The following PIK3C2G variants were observed in gnomAD, a reference collection of about 807,000 sequenced individuals.
PIK3C2G encodes phosphatidylinositol 3-kinase C2 domain-containing subunit gamma.
A neutral mutation model predicts 181.1 loss-of-function variants in PIK3C2G; 168 were observed. The observed-to-expected ratio is 0.93, with a 90% CI of 0.82 to 1.05. PIK3C2G has a LOEUF of 1.05. Ranked by LOEUF, PIK3C2G falls within the 50% of genes least tolerant of loss-of-function variation. The pLI is 0.00. For missense variants in PIK3C2G, 1,869 were observed against 1,732.8 expected (o/e 1.08, Z -1.40); for synonymous variants, 573 against 592.2 (o/e 0.97, Z 0.47).
chr12:18,669,172 A>G, the PIK3C2G span, among the ~76,000 whole-genome samples: 1 of 152,200 alleles, frequency 6.6e-6, no homozygotes. Flanking sequence ...GGGAAACTAA[A>G]GCACACACAC....
chr12:18,534,184 C>T (rs1004267578), intron 24 of PIK3C2G, among the ~76,000 whole-genome samples: 1 of 151,518 alleles, frequency 6.6e-6, no homozygotes, highest in African/African-American at 2.4e-5. Flanking sequence ...TCCTGGCCTC[C>T]GATAATCCAC....
At chr12:18,656,639 G>C in the PIK3C2G span, among the ~76,000 whole-genome samples, 79 of 152,262 alleles carry the variant, frequency 5.2e-4, no homozygotes, top group Middle Eastern at 0.01. Context: ...GGGAAGCTCA[G>C]GTGGAAGGAT....
the PIK3C2G span, among the ~76,000 whole-genome samples, chr12:18,681,860 T>C: frequency 4.1e-4 from 63 of 152,024 alleles, no homozygotes; most frequent in Non-Finnish European, 7.8e-4. Flanking sequence ...GCAGAATTAA[T>C]GAACTCTCTT....
intron 31 of PIK3C2G, among the ~76,000 whole-genome samples, chr12:18,639,706 GT>G (rs1396345048): frequency 1.3e-5 from 2 of 152,112 alleles, no homozygotes; most frequent in Non-Finnish European, 2.9e-5. Context: ...GTGGAAACAA[GT>G]TCTGAAGCCA....
intron 18 of PIK3C2G, among the ~76,000 whole-genome samples, chr12:18,436,000 A>G (rs1190897314): frequency 6.6e-6 from 1 of 151,506 alleles, no homozygotes; most frequent in African/African-American, 2.4e-5. Context: ...CAACTGGTTT[A>G]CAATTATATG....
intron 11 of PIK3C2G, among the ~76,000 whole-genome samples, chr12:18,355,596 G>T: frequency 6.6e-6 from 1 of 152,016 alleles, no homozygotes; most frequent in East Asian, 1.9e-4. Context: ...GACTACCCTG[G>T]GGCCTGGGCA....
At chr12:18,636,946 G>A (rs1286043330) in intron 31 of PIK3C2G, among the ~76,000 whole-genome samples, 3 of 152,172 alleles carry the variant, frequency 2.0e-5, no homozygotes, top group African/African-American at 7.2e-5. Context: ...GAGCTGCTAT[G>A]TCTATTGCAA....
chr12:18,501,929 A>T (rs1441666531), intron 22 of PIK3C2G, among the ~76,000 whole-genome samples: 1 of 152,248 alleles, frequency 6.6e-6, no homozygotes, highest in Admixed American at 6.5e-5. Flanking sequence ...AACCATGTAG[A>T]AAGTGACTTT....
intron 10 of PIK3C2G, among the ~76,000 whole-genome samples, chr12:18,345,584 C>T (rs1939595063): frequency 6.6e-6 from 1 of 152,188 alleles, no homozygotes; most frequent in African/African-American, 2.4e-5. Flanking sequence ...ATCCAACTGC[C>T]TGTGTGCTGG....
chr12:18,683,529 A>T, the PIK3C2G span: 1 of 1,512,330 alleles, frequency 6.6e-7, no homozygotes, highest in African/African-American at 1.4e-5. Flanking sequence ...CCAAAACTGA[A>T]TACACAGCTC....
At chr12:18,299,849 A>G (rs1950104088) in intron 5 of PIK3C2G, among the ~76,000 whole-genome samples, 1 of 151,884 alleles carries the variant, frequency 6.6e-6, no homozygotes, top group South Asian at 2.1e-4. Context: ...TGATTTGCAT[A>G]TGTTGGACCA....
At chr12:18,312,085 T>C (rs1026482726) in intron 5 of PIK3C2G, among the ~76,000 whole-genome samples, 2 of 152,156 alleles carry the variant, frequency 1.3e-5, no homozygotes, top group African/African-American at 4.8e-5. Flanking sequence ...GCTGTTTAGA[T>C]TGTGCCCACC....
intron 1 of PIK3C2G, among the ~76,000 whole-genome samples, chr12:18,252,711 T>C (rs987557418): frequency 6.6e-6 from 1 of 152,174 alleles, no homozygotes; most frequent in Non-Finnish European, 1.5e-5. Context: ...TTCAGAAACA[T>C]ATACATTTCT....
At chr12:18,338,597 C>T (rs1555165326) in intron 9 of PIK3C2G, 49 bp downstream of exon 9, 2 of 1,325,384 alleles carry the variant, frequency 1.5e-6, no homozygotes, top group Non-Finnish European at 2.1e-6. Flanking sequence ...GAGTTCAATA[C>T]TTAATTAAGG....
intron 18 of PIK3C2G, among the ~76,000 whole-genome samples, chr12:18,460,503 G>A (rs1947859884): frequency 6.6e-6 from 1 of 151,816 alleles, no homozygotes; most frequent in Non-Finnish European, 1.5e-5. Context: ...GAACCCGGGA[G>A]GCAGAGGTTG....
At chr12:18,307,741 C>T (rs1197668855) in intron 5 of PIK3C2G, among the ~76,000 whole-genome samples, 1 of 151,828 alleles carries the variant, frequency 6.6e-6, no homozygotes, top group African/African-American at 2.4e-5. Flanking sequence ...TCCCACCCTT[C>T]TTTCTATTAT....
chr12:18,380,200 A>T (rs1720319342), intron 13 of PIK3C2G, among the ~76,000 whole-genome samples: 1 of 152,100 alleles, frequency 6.6e-6, no homozygotes, highest in African/African-American at 2.4e-5. Flanking sequence ...CGCCGTGCTT[A>T]CTCAGGTCCT....
At chr12:18,299,233 T>C (rs560907276) in intron 5 of PIK3C2G, among the ~76,000 whole-genome samples, 3 of 151,974 alleles carry the variant, frequency 2.0e-5, no homozygotes, top group Admixed American at 2.0e-4. Flanking sequence ...AGATTTGTAG[T>C]TTTCCTTGCA....
chr12:18,547,109 C>T (rs1339888531), intron 26 of PIK3C2G, among the ~76,000 whole-genome samples: 1 of 151,916 alleles, frequency 6.6e-6, no homozygotes, highest in African/African-American at 2.4e-5. Flanking sequence ...TTCCTGTAAC[C>T]TCTTAATTGT....
Sources: allele counts gnomAD v4.1 joint callset (sites outside exome capture counted in the v4.1 genomes callset), GRCh38; gene constraint gnomAD v4.1.1; transcripts MANE v1.5; gene names NCBI Gene and HGNC (gene_info 2026-07-23, HGNC 2026-07-21).